Variants in KIF18A observed in about 807,000 individuals in gnomAD.
The protein encoded by KIF18A is kinesin family member 18A, also known as kinesin-like protein KIF18A.
In KIF18A, 67 loss-of-function variants were observed where a neutral mutation model predicts 103.3. That is an observed-to-expected ratio of 0.65 (90% CI 0.53 to 0.79). The LOEUF (loss-of-function observed/expected upper bound fraction) is 0.79, where lower values mean the gene tolerates loss of function less well. KIF18A is among the 30% of genes least tolerant of loss of function. The pLI is 0.00. For synonymous variants in KIF18A, 367 were observed against 355.5 expected (o/e 1.03, Z -0.36); for missense variants, 1,032 against 1,062.5 (o/e 0.97, Z 0.40).
At chr11:28,098,082 TTAA>T (rs1251538956) in intron 1 of KIF18A, 89 bp from the exon 2 acceptor site, 6 of 671,474 alleles carry the variant, frequency 8.9e-6, no homozygotes, top group Non-Finnish European at 1.5e-5. Context: ...AAAAAAGATG[TTAA>T]TAATTCTGTT....
chr11:28,064,539 C>T (rs1850893202), intron 11 of KIF18A, among the ~76,000 whole-genome samples: 1 of 151,916 alleles, frequency 6.6e-6, no homozygotes, highest in African/African-American at 2.4e-5. Flanking sequence ...CAATATGGTA[C>T]ATGTATACCT....
At chr11:28,081,440 G>A (rs910011782) in intron 9 of KIF18A, among the ~76,000 whole-genome samples, 1 of 152,050 alleles carries the variant, frequency 6.6e-6, no homozygotes, top group African/African-American at 2.4e-5. Context: ...ACATCCTAGG[G>A]CCCTTATGAA....
At chr11:28,080,339 G>A (rs1446438508) in intron 9 of KIF18A, among the ~76,000 whole-genome samples, 2 of 146,352 alleles carry the variant, frequency 1.4e-5, no homozygotes, top group Non-Finnish European at 3.0e-5. Flanking sequence ...ATTGTGCTTT[G>A]CAGACACTGT....
intron 15 of KIF18A, among the ~76,000 whole-genome samples, chr11:28,030,497 G>A (rs1268836385): frequency 1.3e-5 from 2 of 152,090 alleles, no homozygotes; most frequent in Non-Finnish European, 1.5e-5. Flanking sequence ...GCTGAAACTG[G>A]ATCCCTTCCT....
At chr11:28,035,713 G>A (rs186771085) in intron 14 of KIF18A, among the ~76,000 whole-genome samples, 1 of 151,570 alleles carries the variant, frequency 6.6e-6, no homozygotes, top group Non-Finnish European at 1.5e-5. Context: ...ATTCCCAGTG[G>A]CATAGAATAG....
At chr11:28,066,572 A>T (rs1590690945) in intron 11 of KIF18A, among the ~76,000 whole-genome samples, 1 of 151,954 alleles carries the variant, frequency 6.6e-6, no homozygotes, top group Non-Finnish European at 1.5e-5. Flanking sequence ...GTTTAAAAAA[A>T]ACGTGCTATA....
chr11:28,091,753 C>T lies in KIF18A; in HGVS notation c.484-240G>A, dbSNP rs114863841. Among the ~76,000 whole-genome samples the T allele has an allele frequency of 5.4e-3, 824 of 152,352 alleles. 8 individuals are homozygous for T. Among genetic ancestry groups the T allele is most frequent in the African/African-American group, 0.019 (792 of 41,578 alleles). Reference sequence around the variant, plus strand: ...ACTTAAAGTTGGAGTCATCCCCTCACTCATAATTCCTGCCTTGATGACTAT... The same window carrying T: ...ACTTAAAGTTGGAGTCATCCCCTCATTCATAATTCCTGCCTTGATGACTAT... On this transcript the variant is annotated intron_variant, in intron 3 of 16. Transcript: ENST00000263181.
At chr11:28,050,375 T>A (rs1850695794) in intron 13 of KIF18A, among the ~76,000 whole-genome samples, 1 of 151,802 alleles carries the variant, frequency 6.6e-6, no homozygotes. Context: ...ATGGAAAAAA[T>A]ATGGAAGATT....
chr11:28,058,859 G>C (rs1392069021), intron 13 of KIF18A, 67 bp downstream of exon 13: 1 of 1,168,626 alleles, frequency 8.6e-7, no homozygotes, highest in Non-Finnish European at 1.3e-6. Context: ...CTGTTCTATA[G>C]ATTGATATAC....
At chr11:28,099,621 A>G (rs1355488713) in intron 1 of KIF18A, among the ~76,000 whole-genome samples, 2 of 152,174 alleles carry the variant, frequency 1.3e-5, no homozygotes, top group Non-Finnish European at 2.9e-5. Context: ...AGAGACAAAA[A>G]TAATAAATTC....
intron 5 of KIF18A, among the ~76,000 whole-genome samples, chr11:28,090,031 A>C (rs528882811): frequency 6.6e-6 from 1 of 152,342 alleles, no homozygotes; most frequent in East Asian, 1.9e-4. Context: ...TTCAACTATA[A>C]CAATTTCTTT....
At chr11:28,073,536 G>C (rs1851050534) in intron 10 of KIF18A, among the ~76,000 whole-genome samples, 1 of 152,126 alleles carries the variant, frequency 6.6e-6, no homozygotes, top group Non-Finnish European at 1.5e-5. Context: ...CATTAATTAG[G>C]TAAGTAACTC....
intron 11 of KIF18A, among the ~76,000 whole-genome samples, chr11:28,067,338 A>AT (rs1213956519): frequency 6.6e-6 from 1 of 152,172 alleles, no homozygotes; most frequent in Admixed American, 6.6e-5. Context: ...GGCTCAATAA[A>AT]TATCCACAAT....
intron 1 of KIF18A, among the ~76,000 whole-genome samples, chr11:28,101,155 G>C (rs1019880951): frequency 2.0e-5 from 3 of 151,974 alleles, no homozygotes; most frequent in African/African-American, 7.2e-5. Flanking sequence ...CCCTGTTATA[G>C]GGCATTTAGA....
At chr11:28,062,591 A>G in intron 11 of KIF18A, 75 bp from the exon 12 acceptor site, 16 of 1,112,362 alleles carry the variant, frequency 1.4e-5, no homozygotes, top group Non-Finnish European at 1.9e-5. Flanking sequence ...ATAATTTTAT[A>G]TTGTTGCCAA....
intron 10 of KIF18A, among the ~76,000 whole-genome samples, chr11:28,074,478 A>G (rs1286637295): frequency 3.9e-5 from 6 of 152,136 alleles, no homozygotes; most frequent in Non-Finnish European, 8.8e-5. Flanking sequence ...GCATCTCAAA[A>G]CACAAAATTG....
chr11:28,077,849 G>A (rs1035801912), intron 9 of KIF18A, among the ~76,000 whole-genome samples: 2 of 152,144 alleles, frequency 1.3e-5, no homozygotes, highest in African/African-American at 4.8e-5. Flanking sequence ...TAAGGGCAAT[G>A]TAGGTCTAGA....
In KIF18A at chr11:28,020,669, T is replaced by C. The variant is rs1166263238; in HGVS notation, c.*531A>G. The C allele has an allele frequency of 6.6e-6, 1 of 152,076 alleles. No homozygotes were observed. 9.4% of individuals were successfully genotyped at this position (152,076 alleles called of 1,614,324 possible). ...TATCAAGTAGCAAGGGACAATATTT[T>C]ATTTGTGATGACTAAATAATATTTA... On this transcript the variant is annotated 3_prime_UTR_variant, in exon 17 of 17. Coordinates refer to ENST00000263181, the MANE Select transcript of KIF18A (RefSeq NM_031217.4).
At position 28,083,247 on chromosome 11, in the gene KIF18A, T is replaced by C. The variant is rs377660268; in HGVS notation, c.1075-4A>G. On this transcript the variant is annotated splice_polypyrimidine_tract_variant and splice_region_variant and intron_variant, in intron 7 of 16. Coordinates refer to ENST00000263181, the MANE Select transcript of KIF18A (RefSeq NM_031217.4). ...CATTAAGAACATTGCTCTTCAACTG[T>C]TGAAAGATAGAAATTATGATTGTTT... 1.7e-4 allele frequency: 264 copies of C among 1,547,838 alleles called. 3 individuals carry two copies. The South Asian group carries it at 3.1e-3, about 18-fold the overall frequency.
Sources: allele counts gnomAD v4.1 joint callset (sites outside exome capture counted in the v4.1 genomes callset), GRCh38; gene constraint gnomAD v4.1.1; transcripts MANE v1.5; gene names NCBI Gene and HGNC (gene_info 2026-07-23, HGNC 2026-07-21).